Variants in LRRC4C observed in about 807,000 individuals in gnomAD.
The protein encoded by LRRC4C is leucine-rich repeat-containing protein 4C.
Under a neutral mutation model 33.6 loss-of-function variants are expected in LRRC4C, and 5 were observed. The observed-to-expected ratio is 0.15, with a 90% CI of 0.08 to 0.31. The LOEUF (loss-of-function observed/expected upper bound fraction) is 0.31. Ranked by LOEUF, LRRC4C falls within the 10% of genes least tolerant of loss-of-function variation. LRRC4C has a pLI of 1.00. For missense variants in LRRC4C, 560 were observed against 796.7 expected (o/e 0.70, Z 3.58); for synonymous variants, 329 against 302.0 (o/e 1.09, Z -0.93).
intron 3 of LRRC4C, among the ~76,000 whole-genome samples, chr11:40,554,330 T>C (rs911844964): frequency 1.3e-5 from 2 of 152,226 alleles, no homozygotes; most frequent in Admixed American, 6.5e-5. Flanking sequence ...CATACTGTTT[T>C]AGAATGTATG....
intron 2 of LRRC4C, among the ~76,000 whole-genome samples, chr11:40,847,428 T>C (rs905903187): frequency 6.6e-6 from 1 of 152,230 alleles, no homozygotes; most frequent in African/African-American, 2.4e-5. Context: ...TCATTGTTTC[T>C]GTTTATGTGA....
intron 1 of LRRC4C, among the ~76,000 whole-genome samples, chr11:41,422,016 A>G (rs139532586): frequency 6.6e-6 from 1 of 152,178 alleles, no homozygotes; most frequent in East Asian, 1.9e-4. Context: ...TGATACTTAA[A>G]GGAAGATAAT....
chr11:40,739,120 A>G (rs1948035630), intron 2 of LRRC4C, among the ~76,000 whole-genome samples: 1 of 151,714 alleles, frequency 6.6e-6, no homozygotes, highest in Non-Finnish European at 1.5e-5. Flanking sequence ...ATATGTTCCT[A>G]TATTAACAAT....
chr11:41,030,183 G>A (rs541365330), intron 1 of LRRC4C, among the ~76,000 whole-genome samples: 46 of 151,854 alleles, frequency 3.0e-4, no homozygotes, highest in Non-Finnish European at 5.9e-4. Flanking sequence ...CTTGAAATAT[G>A]AAAAACAGCA....
At chr11:41,141,372 T>C (rs1034427884) in intron 1 of LRRC4C, among the ~76,000 whole-genome samples, 2 of 151,834 alleles carry the variant, frequency 1.3e-5, no homozygotes, top group African/African-American at 4.8e-5. Context: ...CTAAAATTTC[T>C]CTTAAAAAAA....
At chr11:41,298,449 G>A (rs73486011) in intron 1 of LRRC4C, among the ~76,000 whole-genome samples, 16,789 of 151,532 alleles carry the variant, frequency 0.11, 1,163 homozygotes, top group Middle Eastern at 0.23. Flanking sequence ...CTCACCACCT[G>A]TAAGCTAAAC....
intron 1 of LRRC4C, among the ~76,000 whole-genome samples, chr11:40,954,631 T>C (rs355227): frequency 0.022 from 3,318 of 151,982 alleles, 140 homozygotes; most frequent in African/African-American, 0.077. Context: ...TCTGGCCTCA[T>C]CTTCATAAAA....
At chr11:41,231,923 C>G (rs1947819878) in intron 1 of LRRC4C, among the ~76,000 whole-genome samples, 2 of 151,652 alleles carry the variant, frequency 1.3e-5, no homozygotes, top group Admixed American at 1.3e-4. Context: ...AGGACAAAGT[C>G]CAAACTCTAC....
In LRRC4C at chr11:41,344,225, T is replaced by C. The variant is rs906793546; in HGVS notation, c.-496+115206A>G. 4.3e-4 allele frequency among the ~76,000 whole-genome samples: 55 copies of C among 128,944 alleles called. 1 individual carries two copies. The highest frequency in any genetic ancestry group is 1.5e-3 in the African/African-American group (55 of 36,422). The allele number at this position is 128,944 out of a possible 152,430, so 84.6% of individuals were successfully genotyped here. A position where few individuals can be genotyped will look rare whatever the true frequency, so the allele number is the denominator to read the frequency against. ...ACTCTTTGCTCCTCTGTGAAGCCTT[T>C]CTTTTTTTTTTTTTTTTTTGCGATG... On this transcript the variant is annotated intron_variant, in intron 1 of 6. Transcript: ENST00000528697.
intron 3 of LRRC4C, among the ~76,000 whole-genome samples, chr11:40,460,069 T>C (rs577646308): frequency 2.0e-5 from 3 of 152,260 alleles, no homozygotes; most frequent in Admixed American, 6.5e-5. Context: ...AGCAGTCATA[T>C]TGAGAGTTAG....
intron 1 of LRRC4C, among the ~76,000 whole-genome samples, chr11:41,194,716 G>T (rs1946108758): frequency 6.6e-6 from 1 of 152,074 alleles, no homozygotes; most frequent in African/African-American, 2.4e-5. Flanking sequence ...CGCCAGCCAA[G>T]ACTTTGATTG....
At chr11:40,536,296 C>T (rs769908958) in intron 3 of LRRC4C, among the ~76,000 whole-genome samples, 6 of 152,230 alleles carry the variant, frequency 3.9e-5, no homozygotes, top group African/African-American at 7.2e-5. Context: ...TGGGTTCAAG[C>T]GATTCTCCCA....
At chr11:40,694,649 A>G (rs1225465146) in intron 2 of LRRC4C, among the ~76,000 whole-genome samples, 1 of 152,178 alleles carries the variant, frequency 6.6e-6, no homozygotes, top group Non-Finnish European at 1.5e-5. Flanking sequence ...TCCAAGTGCC[A>G]CAAGGCAACA....
intron 1 of LRRC4C, among the ~76,000 whole-genome samples, chr11:41,427,592 A>C (rs559656984): frequency 8.1e-4 from 123 of 152,262 alleles, no homozygotes; most frequent in Non-Finnish European, 1.3e-3. Flanking sequence ...TGAAGATTTA[A>C]GGCAATGACA....
chr11:40,976,662 A>G (rs1034500739), intron 1 of LRRC4C, among the ~76,000 whole-genome samples: 11 of 152,172 alleles, frequency 7.2e-5, no homozygotes, highest in Non-Finnish European at 1.5e-4. Flanking sequence ...GAGGTTTTCT[A>G]CAGTGTTTTA....
intron 4 of LRRC4C, among the ~76,000 whole-genome samples, chr11:40,308,369 G>A (rs1211173734): frequency 1.3e-5 from 2 of 152,142 alleles, no homozygotes; most frequent in Non-Finnish European, 2.9e-5. Context: ...ACACTTCATA[G>A]CATTGTAAAT....
At chr11:40,773,302 G>A (rs1036382623) in intron 2 of LRRC4C, among the ~76,000 whole-genome samples, 1 of 151,936 alleles carries the variant, frequency 6.6e-6, no homozygotes, top group African/African-American at 2.4e-5. Context: ...ACCATAATAA[G>A]GTGATTACAG....
intron 1 of LRRC4C, among the ~76,000 whole-genome samples, chr11:40,965,919 G>C (rs1450291360): frequency 6.6e-6 from 1 of 152,110 alleles, no homozygotes; most frequent in Non-Finnish European, 1.5e-5. Flanking sequence ...GTCATTGGTA[G>C]CTTGATGGGG....
At position 40,671,794 on chromosome 11, in the gene LRRC4C, ACT is replaced by A. The variant is rs536793653; in HGVS notation, c.-406-23518_-406-23517del. 4.1e-3 allele frequency among the ~76,000 whole-genome samples: 626 copies of A among 150,940 alleles called. 4 individuals carry two copies. The highest frequency in any genetic ancestry group is 0.013 in the African/African-American group (553 of 41,042). On this transcript the variant is annotated intron_variant, in intron 2 of 6. Transcript: ENST00000528697. ...CTCTTATCCATCCCTCTTTATAATT[ACT>A]CTGTTTTATATTTTCATCGTGCCTA...
Sources: gnomAD v4.1 joint callset for allele counts (sites outside exome capture counted in the v4.1 genomes callset) on GRCh38, gnomAD v4.1.1 for gene constraint, MANE v1.5 for transcripts, NCBI Gene and HGNC (gene_info 2026-07-23, HGNC 2026-07-21) for gene names.